Variants in MTSS1 observed in about 807,000 individuals in gnomAD.
MTSS1 encodes MTSS I-BAR domain containing 1.
A neutral mutation model predicts 79.0 loss-of-function variants in MTSS1; 18 were observed. The ratio of observed to expected loss-of-function variants is 0.23; its 90% CI spans 0.16 to 0.34. MTSS1 has a LOEUF of 0.34. Among genes scored for constraint, MTSS1 ranks in the 10% least tolerant of loss-of-function variants. The pLI is 1.00. For synonymous variants in MTSS1, 341 were observed against 368.6 expected (o/e 0.93, Z 0.86); for missense variants, 815 against 986.2 (o/e 0.83, Z 2.33).
At chr8:124,572,747 T>TC (rs1554644747) in intron 6 of MTSS1, among the ~76,000 whole-genome samples, 1 of 146,974 alleles carries the variant, frequency 6.8e-6, no homozygotes, top group African/African-American at 2.5e-5. Context: ...TCTTTTCTTT[T>TC]TTTTTTTTTT....
intron 10 of MTSS1, among the ~76,000 whole-genome samples, chr8:124,560,415 G>A (rs1825030691): frequency 6.6e-6 from 1 of 152,154 alleles, no homozygotes; most frequent in Admixed American, 6.5e-5. Flanking sequence ...GCCTATCAGA[G>A]ACAATGCTCA....
chr8:124,654,975 T>C (rs186096312), intron 3 of MTSS1, among the ~76,000 whole-genome samples: 1 of 152,354 alleles, frequency 6.6e-6, no homozygotes, highest in African/African-American at 2.4e-5. Flanking sequence ...AATTTAATAA[T>C]TTAATAATAT....
Position 124,553,103 on chromosome 8 carries a change from G to T in MTSS1, c.2157C>A (p.Asp719Glu). Residue 719 changes from aspartate to glutamate, a missense_variant, in exon 14 of 14, where the codon GAC becomes GAA. Around this residue, in one of 2 missense-constraint regions of MTSS1, gnomAD observed 590 missense variants for 620.8 expected, o/e 0.95. Transcript: ENST00000518547. The surrounding 1 kb of genome is among the most constrained non-coding windows in gnomAD (Gnocchi z 6.0). The stretch of plus-strand genomic sequence containing the variant: ...CTTGTGGAGTATCCCTTGGGCTCAG[G>T]TCTGCAGGGTCACTCTCTGGAATCT... ...PGQIPESDPA[D>E]LSPRDTPQGE... is the part of the protein sequence containing the mutation. The T allele has an allele frequency of 6.2e-7, 1 of 1,614,094 alleles. No homozygotes were observed. The highest frequency in any genetic ancestry group is 1.6e-4 in the Middle Eastern group (1 of 6,062).
intron 3 of MTSS1, among the ~76,000 whole-genome samples, chr8:124,643,434 A>C (rs142377336): frequency 6.6e-6 from 1 of 152,148 alleles, no homozygotes; most frequent in Non-Finnish European, 1.5e-5. Context: ...GCAGTGGCTC[A>C]TGCCTGTAAT....
intron 1 of MTSS1, among the ~76,000 whole-genome samples, chr8:124,726,414 G>C (rs1203018822): frequency 6.6e-6 from 1 of 152,208 alleles, no homozygotes; most frequent in Non-Finnish European, 1.5e-5. Flanking sequence ...TCTTTCAACA[G>C]GGAATAATCC....
intron 3 of MTSS1, among the ~76,000 whole-genome samples, chr8:124,639,460 T>C (rs1191142001): frequency 6.6e-6 from 1 of 152,214 alleles, no homozygotes; most frequent in Non-Finnish European, 1.5e-5. Context: ...ATCTTTCTGA[T>C]GGTATTACCT....
rs1419435786 is a variant in MTSS1 at position 124,550,973 on chromosome 8, T to G, written c.*2019A>C. ...TACTGTTAGAAACGATTTCTTTCTT[T>G]TTAGCTGTGACACTGCTTTTACAAT... On this transcript the variant is annotated 3_prime_UTR_variant, in exon 14 of 14. Transcript: ENST00000518547. 2.0e-5 allele frequency: 3 copies of G among 152,682 alleles called. No individual in the cohort carries two copies. The highest frequency in any genetic ancestry group is 6.5e-5 in the Admixed American group (1 of 15,282). 9.5% of individuals were successfully genotyped at this position (152,682 alleles called of 1,614,324 possible).
chr8:124,708,898 T>C (rs1226645975), intron 1 of MTSS1, among the ~76,000 whole-genome samples: 1 of 145,184 alleles, frequency 6.9e-6, no homozygotes, highest in Non-Finnish European at 1.5e-5. Flanking sequence ...AATCAACTTC[T>C]AAGAACAGAA....
At chr8:124,697,985 T>C (rs1829117385) in intron 3 of MTSS1, 1 of 152,252 alleles carries the variant, frequency 6.6e-6, no homozygotes, top group Non-Finnish European at 1.5e-5. Flanking sequence ...CTCACTTTTC[T>C]ATATTCCCCT....
intron 6 of MTSS1, chr8:124,580,388 C>T: frequency 2.9e-6 from 2 of 680,112 alleles, no homozygotes; most frequent in South Asian, 1.9e-5. Flanking sequence ...ACACAACGCA[C>T]ACACAATTTT....
At chr8:124,707,943 T>C (rs1830632187) in intron 1 of MTSS1, among the ~76,000 whole-genome samples, 2 of 152,210 alleles carry the variant, frequency 1.3e-5, no homozygotes, top group Non-Finnish European at 2.9e-5. Flanking sequence ...GCCAGTGGCC[T>C]GGGCAGGGAG....
intron 3 of MTSS1, among the ~76,000 whole-genome samples, chr8:124,623,980 C>T (rs1426029456): frequency 6.6e-6 from 1 of 152,236 alleles, no homozygotes; most frequent in Non-Finnish European, 1.5e-5. Flanking sequence ...TGCCATCTTG[C>T]CTTTCTCTGG....
intron 13 of MTSS1, among the ~76,000 whole-genome samples, chr8:124,554,814 T>C (rs1795137597): frequency 6.6e-6 from 1 of 152,146 alleles, no homozygotes; most frequent in African/African-American, 2.4e-5. Flanking sequence ...AAAATAACCA[T>C]AAAGTGTGTA....
intron 3 of MTSS1, among the ~76,000 whole-genome samples, chr8:124,686,350 A>C (rs1357941844): frequency 2.0e-5 from 3 of 152,150 alleles, no homozygotes; most frequent in African/African-American, 7.2e-5. Flanking sequence ...AAAAACTTGC[A>C]TATTTTCACT....
At chr8:124,631,289 C>G (rs1815892468) in intron 3 of MTSS1, among the ~76,000 whole-genome samples, 2 of 152,194 alleles carry the variant, frequency 1.3e-5, no homozygotes, top group South Asian at 2.1e-4. Flanking sequence ...CTTGACCCAC[C>G]AATCTCCCTA....
In MTSS1 at chr8:124,686,099, G is replaced by A. The variant is rs144931928; in HGVS notation, c.208+13427C>T. 7.2e-4 allele frequency among the ~76,000 whole-genome samples: 110 copies of A among 152,302 alleles called. 1 individual carries two copies. In the Middle Eastern group the frequency reaches 0.014, roughly 19 times the overall value. ...CTTCCACCGTCACCCTGACAGGCAG[G>A]TACGGCAGACCTGACTGTCATCTCA... On this transcript the variant is annotated intron_variant, in intron 3 of 13. Coordinates refer to ENST00000518547, the MANE Select transcript of MTSS1 (RefSeq NM_014751.6).
intron 3 of MTSS1, among the ~76,000 whole-genome samples, chr8:124,661,060 C>T (rs1430733383): frequency 6.6e-6 from 1 of 152,228 alleles, no homozygotes; most frequent in African/African-American, 2.4e-5. Flanking sequence ...TAAAACCAGA[C>T]CCAGCCACCA....
At chr8:124,644,922 T>G (rs995059717) in intron 3 of MTSS1, among the ~76,000 whole-genome samples, 1 of 152,214 alleles carries the variant, frequency 6.6e-6, no homozygotes, top group African/African-American at 2.4e-5. Flanking sequence ...TGAATGAAAT[T>G]AGGTATGTCA....
At chr8:124,615,665 A>G (rs899779779) in intron 3 of MTSS1, among the ~76,000 whole-genome samples, 1 of 152,206 alleles carries the variant, frequency 6.6e-6, no homozygotes, top group Non-Finnish European at 1.5e-5. Context: ...AGAACTCTAC[A>G]CTTGAAAATG....
Sources: allele counts gnomAD v4.1 joint callset (sites outside exome capture counted in the v4.1 genomes callset), GRCh38; gene constraint gnomAD v4.1.1; regional missense constraint gnomAD v4.1.1; non-coding constraint Gnocchi (gnomAD v3.1); transcripts MANE v1.5; gene names NCBI Gene and HGNC (gene_info 2026-07-23, HGNC 2026-07-21).